SRGAP3: variants seen among roughly 807,000 people sequenced by gnomAD.
SRGAP3 encodes the protein SLIT-ROBO Rho GTPase-activating protein 3.
A neutral mutation model predicts 121.1 loss-of-function variants in SRGAP3; 39 were observed. That is an observed-to-expected ratio of 0.32 (90% CI 0.25 to 0.42). The LOEUF is 0.42. Among genes scored for constraint, SRGAP3 ranks in the 10% least tolerant of loss-of-function variants. The pLI, the probability that SRGAP3 is intolerant of heterozygous loss-of-function variation, is 1.00. For synonymous variants in SRGAP3, 601 were observed against 570.0 expected, an observed-to-expected ratio of 1.05 and a Z score of -0.77; for missense variants, 1,213 against 1,470.6, an observed-to-expected ratio of 0.82 and a Z score of 2.86.
chr3:9,352,435 G>A (rs1468965226), intron 1 of SRGAP3, among the ~76,000 whole-genome samples: 1 of 151,986 alleles, frequency 6.6e-6, no homozygotes, highest in Non-Finnish European at 1.5e-5. Flanking sequence ...CACTACGCCT[G>A]GCTAATTTTT....
chr3:9,357,400 C>A (rs1371123303), intron 1 of SRGAP3, among the ~76,000 whole-genome samples: 2 of 151,896 alleles, frequency 1.3e-5, no homozygotes, highest in African/African-American at 4.8e-5. Flanking sequence ...TCTTTCGTGT[C>A]TGGCATCTTA....
intron 3 of SRGAP3, among the ~76,000 whole-genome samples, chr3:9,292,425 G>A (rs1954885129): frequency 6.6e-6 from 1 of 152,048 alleles, no homozygotes; most frequent in African/African-American, 2.4e-5. Flanking sequence ...AGCCTTCTCT[G>A]CCTTCTCTAT....
intron 3 of SRGAP3, among the ~76,000 whole-genome samples, chr3:9,323,908 A>T (rs1420835480): frequency 2.0e-5 from 3 of 151,824 alleles, no homozygotes; most frequent in Non-Finnish European, 4.4e-5. Context: ...AATTTAAAAG[A>T]GTTTGAGCAA....
At chr3:9,110,216 T>C (rs1052077333) in intron 2 of SRGAP3, among the ~76,000 whole-genome samples, 10 of 151,912 alleles carry the variant, frequency 6.6e-5, no homozygotes, top group Admixed American at 5.2e-4. Flanking sequence ...ATGTCCAGGA[T>C]GACTCTCCAG....
At chr3:9,273,293 G>A (rs1011751052) in intron 3 of SRGAP3, among the ~76,000 whole-genome samples, 1 of 152,066 alleles carries the variant, frequency 6.6e-6, no homozygotes, top group African/African-American at 2.4e-5. Flanking sequence ...TTCCTAACAG[G>A]GGTTAGAGAA....
chr3:8,983,584 A>G lies in SRGAP3; in HGVS notation c.*1935T>C, dbSNP rs757417050. The G allele has an allele frequency of 3.5e-5, 8 of 231,332 alleles. No individual in the cohort carries two copies. Among genetic ancestry groups the G allele is most frequent in the Non-Finnish European group, 6.0e-5 (7 of 116,968 alleles). 14.3% of individuals were successfully genotyped at this position (231,332 alleles called of 1,614,324 possible). On this transcript the variant is annotated 3_prime_UTR_variant, in exon 22 of 22. Coordinates refer to ENST00000383836, the MANE Select transcript of SRGAP3 (RefSeq NM_014850.4). The stretch of plus-strand genomic sequence containing the variant: ...GGCTGAAATGTTAATGATGGAATCC[A>G]GGGCTCTTATTAGGATGGCAGGAAA...
intron 1 of SRGAP3, among the ~76,000 whole-genome samples, chr3:9,133,722 A>T (rs1949543190): frequency 6.6e-6 from 1 of 152,244 alleles, no homozygotes; most frequent in Non-Finnish European, 1.5e-5. Context: ...AAGTTCTTAA[A>T]GCAACATCAC....
chr3:9,164,248 G>A (rs1950702412), intron 1 of SRGAP3, among the ~76,000 whole-genome samples: 1 of 135,166 alleles, frequency 7.4e-6, no homozygotes, highest in Admixed American at 7.6e-5. Flanking sequence ...GCTGAGCTTG[G>A]ACCCCAAATC....
intron 1 of SRGAP3, among the ~76,000 whole-genome samples, chr3:9,224,532 G>A (rs928384325): frequency 5.3e-5 from 8 of 152,098 alleles, no homozygotes; most frequent in Non-Finnish European, 1.0e-4. Context: ...AAGAAATACC[G>A]CCTTCCCAAA....
intron 4 of SRGAP3, 61 bp from the exon 5 acceptor site, chr3:9,064,642 T>C: frequency 1.2e-6 from 2 of 1,600,724 alleles, no homozygotes; most frequent in Non-Finnish European, 1.7e-6. Context: ...GCCCTCCCTG[T>C]TACTCCTGGC....
intron 3 of SRGAP3, among the ~76,000 whole-genome samples, chr3:9,313,880 G>A (rs1955296036): frequency 6.6e-6 from 1 of 152,048 alleles, no homozygotes; most frequent in Non-Finnish European, 1.5e-5. Flanking sequence ...TGCAGTCCCA[G>A]CTACTTGGAA....
intron 1 of SRGAP3, among the ~76,000 whole-genome samples, chr3:9,194,637 T>A (rs1475206586): frequency 6.6e-6 from 1 of 152,210 alleles, no homozygotes; most frequent in African/African-American, 2.4e-5. Context: ...CCTATTTTCA[T>A]GGGTGAGAAA....
intron 1 of SRGAP3, chr3:9,192,777 A>C (rs1345546928): frequency 6.6e-6 from 1 of 152,210 alleles, no homozygotes; most frequent in East Asian, 1.9e-4. Context: ...GGGGCAGGGC[A>C]AGAAGAGCTG....
At chr3:9,130,097 A>C (rs942397543) in intron 1 of SRGAP3, among the ~76,000 whole-genome samples, 6 of 152,090 alleles carry the variant, frequency 3.9e-5, no homozygotes, top group Non-Finnish European at 7.4e-5. Context: ...TTTACCAAGT[A>C]CATTAAGTGT....
At chr3:9,120,442 C>T (rs1948960948) in intron 2 of SRGAP3, among the ~76,000 whole-genome samples, 2 of 152,214 alleles carry the variant, frequency 1.3e-5, no homozygotes, top group Non-Finnish European at 2.9e-5. Context: ...CAGCAGAAAT[C>T]GCACCTCATT....
In SRGAP3 at chr3:9,303,945, TTGAG is replaced by T. The variant is rs531118277; in HGVS notation, n.442+22061_442+22064del. 3.4e-3 allele frequency among the ~76,000 whole-genome samples: 513 copies of T among 152,294 alleles called. 3 individuals are homozygous for T. Among genetic ancestry groups the T allele is most frequent in the Middle Eastern group, 0.027 (8 of 294 alleles). On this transcript the variant is annotated intron_variant and non_coding_transcript_variant, in intron 3 of 3. Transcript: ENST00000490889. ...GGGTCCCCATGCCCTTGAGTGAGAC[TTGAG>T]TAAGTACTCCTGAACTGAGTGTACA...
At chr3:9,136,223 C>G (rs948345871) in intron 1 of SRGAP3, among the ~76,000 whole-genome samples, 2 of 152,250 alleles carry the variant, frequency 1.3e-5, no homozygotes, top group Non-Finnish European at 2.9e-5. Context: ...GCTGCCCGGA[C>G]ACGGGCTCCC....
At chr3:9,302,177 G>C (rs1412506884) in intron 3 of SRGAP3, among the ~76,000 whole-genome samples, 1 of 152,144 alleles carries the variant, frequency 6.6e-6, no homozygotes, top group South Asian at 2.1e-4. Flanking sequence ...GAGCCCCCAG[G>C]GCCCACTGCT....
At chr3:9,141,287 A>G (rs2125032522) in intron 1 of SRGAP3, among the ~76,000 whole-genome samples, 1 of 152,214 alleles carries the variant, frequency 6.6e-6, no homozygotes, top group South Asian at 2.1e-4. Context: ...CATTCACCTG[A>G]CATTAATAGG....
Sources: allele counts gnomAD v4.1 joint callset (sites outside exome capture counted in the v4.1 genomes callset), GRCh38; gene constraint gnomAD v4.1.1; transcripts MANE v1.5; gene names NCBI Gene and HGNC (gene_info 2026-07-23, HGNC 2026-07-21).